The following TSC1 variants were observed in gnomAD, a reference collection of about 807,000 sequenced individuals.
TSC1 encodes the protein TSC complex subunit 1.
TSC1 carries 20 observed loss-of-function variants against 124.3 expected under a neutral mutation model. The ratio of observed to expected loss-of-function variants is 0.16; its 90% confidence interval spans 0.11 to 0.23. TSC1 has a LOEUF of 0.23. Ranked by LOEUF, TSC1 falls within the 10% of genes least tolerant of loss-of-function variation. The pLI is 1.00. For missense variants in TSC1, 1,124 were observed against 1,448.5 expected, an observed-to-expected ratio of 0.78 and a Z score of 3.64; for synonymous variants, 493 against 539.1, an observed-to-expected ratio of 0.91 and a Z score of 1.19.
rs2131948107 is a variant in TSC1 at position 132,910,692 on chromosome 9, G to A, written c.1142C>T (p.Ala381Val). The change falls in exon 12 of 23, where the codon GCA becomes GTA. Residue 381 changes from alanine (A) to valine (V), a missense_variant and splice_region_variant. Physicochemically the swap from Ala to Val is moderately conservative, Grantham distance 64. Coordinates refer to ENST00000298552, the MANE Select transcript of TSC1 (RefSeq NM_000368.5). ...HPYSKVFGTT[A>V]GGKGTPLGTP... ...TCCCAGAGGAGTTCCTTTTCCACCT[G>A]CTTAGAGACAAGGGCAGAACATATA... is the stretch of plus-strand genomic sequence containing the variant. 1 of 1,613,632 alleles carries A rather than the reference G, an allele frequency of 6.2e-7. No homozygotes were observed. The highest frequency in any genetic ancestry group is 8.5e-7 in the Non-Finnish European group (1 of 1,180,044).
rs140410001 is a variant in TSC1 at position 132,910,602 on chromosome 9, A to T, written c.1232T>A (p.Leu411His). 4 of 1,613,776 alleles carry T rather than the reference A, an allele frequency of 2.5e-6. No individual in the cohort carries two copies. Among genetic ancestry groups the T allele is most frequent in the Middle Eastern group, 1.6e-4 (1 of 6,084 alleles). The change falls in exon 12 of 23, where the codon CTC becomes CAC. Residue 411 changes from leucine to histidine, a missense_variant. This residue lies in a region of TSC1 where 463 missense variants were observed against 606.8 expected (regional missense o/e 0.76). Transcript: ENST00000298552. ...CHSDDYVHIS[L>H]PQATVTPPRK... ...GGGGGGTGTGACTGTGGCCTGGGGG[A>T]GTGAAATGTGCACGTAGTCATCCGA... is the stretch of plus-strand genomic sequence containing the variant.
Position 132,901,151 on chromosome 9 carries a change from G to A in TSC1, c.2503-314C>T, listed in dbSNP as rs959823968. Among the ~76,000 whole-genome samples the A allele has an allele frequency of 3.3e-5, 5 of 152,354 alleles. 1 individual carries two copies. The highest frequency in any genetic ancestry group is 1.9e-4 in the East Asian group (1 of 5,194). ...TACCACCAAGGCCCAGTGGCATAAAGCCCTAGGGAAAACTCACCGTTCTTG... is the reference window on the plus strand; with the variant it reads ...TACCACCAAGGCCCAGTGGCATAAAACCCTAGGGAAAACTCACCGTTCTTG... On this transcript the variant is annotated intron_variant, in intron 19 of 22. Coordinates refer to ENST00000298552, the MANE Select transcript of TSC1 (RefSeq NM_000368.5).
At chr9:132,913,729 G>A (rs1438456799) in intron 8 of TSC1, among the ~76,000 whole-genome samples, 3 of 150,786 alleles carry the variant, frequency 2.0e-5, no homozygotes, top group Non-Finnish European at 4.4e-5. Context: ...AGGAGGCTGA[G>A]GCAGGAGAAT....
chr9:132,920,315 C>T (rs1846480996), intron 8 of TSC1, among the ~76,000 whole-genome samples: 1 of 152,128 alleles, frequency 6.6e-6, no homozygotes, highest in South Asian at 2.1e-4. Context: ...AAAGCAATAC[C>T]TACAGTAAAA....
Position 132,921,750 on chromosome 9 carries a change from C to T in TSC1, c.663+69G>A. The T allele has an allele frequency of 6.3e-7, 1 of 1,593,868 alleles. No individual in the cohort carries two copies. Among genetic ancestry groups the T allele is most frequent in the Non-Finnish European group, 8.6e-7 (1 of 1,163,422 alleles). ...AAATTTCCCTGTCTGCCGTTAAATA[C>T]AAAAGGTATAAATGCAGCCTATCTA... On this transcript the variant is annotated intron_variant, in intron 7 of 22. Transcript: ENST00000298552. This position sits in a 1 kb window ranked among gnomAD's most constrained non-coding sequence, Gnocchi z 4.3.
chr9:132,910,603 G>A lies in TSC1; in HGVS notation c.1231C>T (p.Leu411Phe), dbSNP rs397514840. 1 of 1,614,144 alleles carries A rather than the reference G, an allele frequency of 6.2e-7. No homozygotes were observed. The change falls in exon 12 of 23, where the codon CTC (leucine) becomes TTC (phenylalanine). Residue 411 changes from leucine to phenylalanine, a missense_variant. Around this residue, in one of 5 missense-constraint regions of TSC1, gnomAD observed 463 missense variants for 606.8 expected, o/e 0.76. Coordinates refer to ENST00000298552, the MANE Select transcript of TSC1 (RefSeq NM_000368.5). Reference sequence around the variant, plus strand: ...GGGGGTGTGACTGTGGCCTGGGGGAGTGAAATGTGCACGTAGTCATCCGAA... The same window carrying A: ...GGGGGTGTGACTGTGGCCTGGGGGAATGAAATGTGCACGTAGTCATCCGAA... ...CHSDDYVHIS[L>F]PQATVTPPRK...
In TSC1 at chr9:132,925,689, T is replaced by C. The variant is rs1407780510; in HGVS notation, c.261A>G (p.Leu87=). The C allele has an allele frequency of 6.2e-7, 1 of 1,614,246 alleles. No individual in the cohort carries two copies. Among genetic ancestry groups the C allele is most frequent in the South Asian group, 1.1e-5 (1 of 91,088 alleles). The part of the protein sequence containing the change: ...NEYVGKAATR[L]SILSLLGHVI... ...CATGACCCAGTAACGAGAGGATGGA[T>C]AAACGAGTGGCGGCTTTGCCCACAT... The change falls in exon 5 of 23, where the codon TTA becomes TTG. Residue 87 remains leucine, a synonymous_variant. Transcript: ENST00000298552.
intron 20 of TSC1, chr9:132,900,279 T>C (rs934394503): frequency 8.4e-6 from 2 of 238,374 alleles, no homozygotes; most frequent in African/African-American, 2.3e-5. Flanking sequence ...ATCCCAATGC[T>C]GGCCTTGTTG....
chr9:132,910,237 G>C (rs1033947955), intron 12 of TSC1: 9 of 562,880 alleles, frequency 1.6e-5, no homozygotes, highest in Non-Finnish European at 1.9e-5. Context: ...GGAGGTCAAG[G>C]CTGCAGTGAG....
intron 19 of TSC1, among the ~76,000 whole-genome samples, chr9:132,901,133 A>G (rs1268882706): frequency 7.9e-5 from 12 of 152,346 alleles, no homozygotes; most frequent in Admixed American, 6.5e-4. Flanking sequence ...GTATACCACC[A>G]AGGCCCAGTG....
chr9:132,918,217 A>G (rs1846365397), intron 8 of TSC1, among the ~76,000 whole-genome samples: 1 of 152,246 alleles, frequency 6.6e-6, no homozygotes, highest in Admixed American at 6.5e-5. Context: ...TGAAACTAAA[A>G]AACAGACAGG....
chr9:132,917,577 C>T (rs1442062595), intron 8 of TSC1, among the ~76,000 whole-genome samples: 1 of 152,118 alleles, frequency 6.6e-6, no homozygotes, highest in Admixed American at 6.5e-5. Flanking sequence ...AGAGATCCTC[C>T]CCCGTCCGCC....
At chr9:132,944,217 G>A (rs1847922429) in intron 1 of TSC1, among the ~76,000 whole-genome samples, 1 of 152,130 alleles carries the variant, frequency 6.6e-6, no homozygotes, top group African/African-American at 2.4e-5. Context: ...CACCAAGTGA[G>A]GGACTGACGA....
intron 2 of TSC1, chr9:132,934,498 C>A (rs1333606969): frequency 6.6e-6 from 1 of 152,282 alleles, no homozygotes; most frequent in African/African-American, 2.4e-5. Context: ...GGATGTACAT[C>A]AGAATCACCT....
intron 1 of TSC1, among the ~76,000 whole-genome samples, chr9:132,935,399 T>C (rs949622419): frequency 1.3e-5 from 2 of 152,238 alleles, no homozygotes; most frequent in Admixed American, 6.5e-5. Flanking sequence ...AGTTCCGGGT[T>C]AAAATCCAAG....
At chr9:132,911,359 G>T in intron 10 of TSC1, 94 bp downstream of exon 10, 1 of 1,007,696 alleles carries the variant, frequency 9.9e-7, no homozygotes, top group Non-Finnish European at 1.6e-6. Flanking sequence ...AATGAGCAGT[G>T]TGAAATTTTC....
rs1393065957 is a variant in TSC1 at position 132,906,737 on chromosome 9, C to T, written c.1432G>A (p.Glu478Lys). Residue 478 changes from glutamate (E) to lysine (K), a missense_variant, in exon 14 of 23, where the codon GAA becomes AAA. This residue lies in a region of TSC1 where 463 missense variants were observed against 606.8 expected (regional missense o/e 0.76). Transcript: ENST00000298552. This position sits in a 1 kb window ranked among gnomAD's most constrained non-coding sequence, Gnocchi z 4.1. ...GCAATCCCACATACATTACCTTCTT[C>T]TTTATCTTTTTCAATACTATCTTCT... ...SEEDSIEKDK[E>K]EAAISRELSE... 6.2e-7 allele frequency: 1 copy of T among 1,613,368 alleles called. No individual in the cohort carries two copies. The highest frequency in any genetic ancestry group is 1.3e-5 in the African/African-American group (1 of 74,910).
At chr9:132,910,955 A>AGGC in intron 11 of TSC1, 47 bp downstream of exon 11, 1 of 1,549,416 alleles carries the variant, frequency 6.5e-7, no homozygotes, top group Non-Finnish European at 8.9e-7. Context: ...CTGCCATTAA[A>AGGC]GGCAGGCCAA....
Position 132,905,770 on chromosome 9 carries a change from G to T in TSC1, c.1808C>A (p.Pro603Gln), listed in dbSNP as rs751247705. The T allele has an allele frequency of 6.2e-7, 1 of 1,614,182 alleles. No individual in the cohort carries two copies. Among genetic ancestry groups the T allele is most frequent in the South Asian group, 1.1e-5 (1 of 91,072 alleles). ...TGCCACCTCAAAAAGATGATCATACGGGGGAGGCTGCCCGCTTCCAAAGCC... is the reference window on the plus strand; with the variant it reads ...TGCCACCTCAAAAAGATGATCATACTGGGGAGGCTGCCCGCTTCCAAAGCC... ...RVGFGSGQPP[P>Q]YDHLFEVALP... Residue 603 changes from proline (P) to glutamine (Q), a missense_variant, in exon 15 of 23, where the codon CCG becomes CAG. This residue lies in a region of TSC1 where 321 missense variants were observed against 397.4 expected (regional missense o/e 0.81). Transcript: ENST00000298552.
Sources: gnomAD v4.1 joint callset for allele counts (sites outside exome capture counted in the v4.1 genomes callset) on GRCh38, gnomAD v4.1.1 for gene constraint, gnomAD v4.1.1 regional missense constraint, Gnocchi (gnomAD v3.1) non-coding constraint, MANE v1.5 for transcripts, NCBI Gene and HGNC (gene_info 2026-07-23, HGNC 2026-07-21) for gene names.